RORA: variants seen among roughly 807,000 people sequenced by gnomAD.
The protein encoded by RORA is RAR related orphan receptor A, also known as nuclear receptor ROR-alpha.
A neutral mutation model predicts 69.5 loss-of-function variants in RORA; 7 were observed. The ratio of observed to expected loss-of-function variants is 0.10; its 90% CI spans 0.06 to 0.19. The LOEUF (loss-of-function observed/expected upper bound fraction) is 0.19. Ranked by LOEUF, RORA falls within the 10% of genes least tolerant of loss-of-function variation. The pLI, the probability that RORA is intolerant of heterozygous loss-of-function variation, is 1.00. For missense variants in RORA, 457 were observed against 663.0 expected, an observed-to-expected ratio of 0.69 and a Z score of 3.41; for synonymous variants, 261 against 240.8, an observed-to-expected ratio of 1.08 and a Z score of -0.78.
intron 2 of RORA, among the ~76,000 whole-genome samples, chr15:60,662,962 C>T (rs148120405): frequency 1.3e-5 from 2 of 152,232 alleles, no homozygotes; most frequent in African/African-American, 4.8e-5. Flanking sequence ...GCTGCCTTGC[C>T]CAAGGTTATG....
At chr15:60,736,785 C>T (rs960285561) in intron 1 of RORA, 1 of 152,184 alleles carries the variant, frequency 6.6e-6, no homozygotes, top group Non-Finnish European at 1.5e-5. Flanking sequence ...GGCCATACCT[C>T]CCTGAAGGTG....
chr15:60,998,859 T>C (rs1322527591), intron 1 of RORA, among the ~76,000 whole-genome samples: 2 of 152,160 alleles, frequency 1.3e-5, no homozygotes, highest in African/African-American at 4.8e-5. Flanking sequence ...GGCATGATAA[T>C]ATTCGTTTTT....
At chr15:60,588,979 G>T (rs945573901) in intron 2 of RORA, among the ~76,000 whole-genome samples, 1 of 152,122 alleles carries the variant, frequency 6.6e-6, no homozygotes, top group Non-Finnish European at 1.5e-5. Context: ...ATGGACAAAT[G>T]GATTCAGAAA....
At chr15:60,506,708 T>A (rs572339613) in intron 5 of RORA, among the ~76,000 whole-genome samples, 93 of 151,298 alleles carry the variant, frequency 6.1e-4, no homozygotes, top group Non-Finnish European at 7.2e-4. Context: ...CAAAAAAAAA[T>A]TGGCGTGGTG....
intron 1 of RORA, among the ~76,000 whole-genome samples, chr15:60,808,469 T>C (rs2072690503): frequency 6.6e-6 from 1 of 152,144 alleles, no homozygotes. Context: ...GGTGGGAATG[T>C]AAACTAGTAC....
intron 2 of RORA, among the ~76,000 whole-genome samples, chr15:60,562,434 G>C (rs111727059): frequency 4.8e-4 from 72 of 148,892 alleles, no homozygotes; most frequent in African/African-American, 1.2e-3. Context: ...GCGGGGTTGG[G>C]GGGGGGTTGC....
At chr15:60,682,999 A>G (rs2070669700) in intron 1 of RORA, among the ~76,000 whole-genome samples, 1 of 152,148 alleles carries the variant, frequency 6.6e-6, no homozygotes, top group African/African-American at 2.4e-5. Flanking sequence ...TATATGCAGA[A>G]TGAGGTAGTC....
At chr15:60,638,038 T>C (rs2069871627) in intron 2 of RORA, among the ~76,000 whole-genome samples, 1 of 152,198 alleles carries the variant, frequency 6.6e-6, no homozygotes, top group South Asian at 2.1e-4. Context: ...AAGGACTTTC[T>C]TGACATTTGT....
chr15:61,049,906 G>C (rs564746987), intron 1 of RORA, among the ~76,000 whole-genome samples: 1 of 152,248 alleles, frequency 6.6e-6, no homozygotes, highest in African/African-American at 2.4e-5. Flanking sequence ...TGATCTGCCT[G>C]CCTCAGCCTC....
chr15:60,590,697 T>TG (rs869179932), intron 2 of RORA, among the ~76,000 whole-genome samples: 5 of 151,118 alleles, frequency 3.3e-5, no homozygotes, highest in East Asian at 2.0e-4. Context: ...AAAAGTTTTT[T>TG]GGGGGGGTGG....
intron 1 of RORA, among the ~76,000 whole-genome samples, chr15:60,823,084 CTTCT>C (rs1488958717): frequency 7.9e-6 from 1 of 126,086 alleles, no homozygotes; most frequent in Non-Finnish European, 1.7e-5. Flanking sequence ...TCCTTCCTTC[CTTCT>C]TTCCTTCCTT....
At chr15:60,962,305 C>T (rs1171654027) in intron 1 of RORA, among the ~76,000 whole-genome samples, 1 of 152,204 alleles carries the variant, frequency 6.6e-6, no homozygotes, top group Non-Finnish European at 1.5e-5. Flanking sequence ...GCCTTTAACT[C>T]ATTTCCCCTC....
chr15:61,065,568 A>C (rs987948967), intron 1 of RORA, among the ~76,000 whole-genome samples: 14 of 152,248 alleles, frequency 9.2e-5, no homozygotes, highest in African/African-American at 2.9e-4. Flanking sequence ...TCTCTTTAAT[A>C]AATAAATAGA....
intron 1 of RORA, among the ~76,000 whole-genome samples, chr15:61,070,471 G>C (rs903005982): frequency 9.9e-5 from 15 of 152,238 alleles, no homozygotes; most frequent in African/African-American, 3.6e-4. Flanking sequence ...AATTTCTGTA[G>C]ACCCTGGCCT....
chr15:60,796,278 C>T (rs759414991), intron 1 of RORA, among the ~76,000 whole-genome samples: 5 of 152,118 alleles, frequency 3.3e-5, no homozygotes, highest in African/African-American at 4.8e-5. Flanking sequence ...CCCATGCACA[C>T]GACTCTCCAG....
chr15:61,047,738 T>C (rs1402196992), intron 1 of RORA, among the ~76,000 whole-genome samples: 1 of 152,208 alleles, frequency 6.6e-6, no homozygotes, highest in African/African-American at 2.4e-5. Context: ...AAAATTCCAA[T>C]CCTTTATTGC....
chr15:60,627,304 T>A, intron 2 of RORA: 1 of 1,614,168 alleles, frequency 6.2e-7, no homozygotes, highest in Non-Finnish European at 8.5e-7. Flanking sequence ...TCGAAGACAA[T>A]GACCCATGAT....
At chr15:60,979,989 G>T (rs552976691) in intron 1 of RORA, among the ~76,000 whole-genome samples, 1 of 152,164 alleles carries the variant, frequency 6.6e-6, no homozygotes, top group South Asian at 2.1e-4. Context: ...GTCTTTCACA[G>T]TTAAGTATGA....
chr15:61,086,681 A>G (rs1182051770), intron 1 of RORA, among the ~76,000 whole-genome samples: 1 of 152,100 alleles, frequency 6.6e-6, no homozygotes, highest in Non-Finnish European at 1.5e-5. Context: ...CAAAAGTTCT[A>G]AAAAAGTTTT....
Sources: gnomAD v4.1 joint callset for allele counts (sites outside exome capture counted in the v4.1 genomes callset) on GRCh38, gnomAD v4.1.1 for gene constraint, MANE v1.5 for transcripts, NCBI Gene and HGNC (gene_info 2026-07-23, HGNC 2026-07-21) for gene names.